The following TRPA1 variants were observed in gnomAD, a reference collection of about 807,000 sequenced individuals.
TRPA1 encodes the protein ankyrin-like with transmembrane domains 1.
TRPA1 carries 129 observed loss-of-function variants against 131.3 expected under a neutral mutation model. The ratio of observed to expected loss-of-function variants is 0.98; its 90% confidence interval spans 0.85 to 1.14. The LOEUF is 1.14. Ranked by LOEUF, TRPA1 falls within the 50% of genes most tolerant of loss-of-function variation. TRPA1 has a pLI of 0.00. For missense variants in TRPA1, 1,304 were observed against 1,354.2 expected, an observed-to-expected ratio of 0.96 and a Z score of 0.58; for synonymous variants, 441 against 451.7, an observed-to-expected ratio of 0.98 and a Z score of 0.30.
intron 18 of TRPA1, 119 bp from the exon 19 acceptor site, chr8:72,039,146 G>T: frequency 1.0e-6 from 1 of 980,894 alleles, no homozygotes; most frequent in South Asian, 1.4e-5. Context: ...ATTCACTGAA[G>T]CTTAAGATCA....
chr8:72,078,052 T>C (rs117478437), upstream of TRPA1, among the ~76,000 whole-genome samples: 3,676 of 151,836 alleles, frequency 0.024, 66 homozygotes, highest in Non-Finnish European at 0.037. Context: ...AATATAGTTA[T>C]ATGCACATAT....
chr8:72,070,854 TC>T (rs1210003411), intron 2 of TRPA1, among the ~76,000 whole-genome samples: 3 of 152,224 alleles, frequency 2.0e-5, no homozygotes, highest in East Asian at 1.9e-4. Flanking sequence ...GCTGGATATT[TC>T]CAACTGGATG....
chr8:72,025,844 T>C (rs1446957675), intron 25 of TRPA1, 116 bp downstream of exon 25: 2 of 863,574 alleles, frequency 2.3e-6, no homozygotes, highest in Non-Finnish European at 3.8e-6. Flanking sequence ...ACAACTCCTC[T>C]GCCCACAGGC....
chr8:72,066,685 C>T (rs1482935674), intron 3 of TRPA1, among the ~76,000 whole-genome samples: 14 of 151,574 alleles, frequency 9.2e-5, no homozygotes, highest in Admixed American at 7.9e-4. Context: ...TAGGCATCAT[C>T]GCATTCTGTT....
intron 8 of TRPA1, 60 bp from the exon 9 acceptor site, chr8:72,057,876 G>T: frequency 4.8e-6 from 6 of 1,253,012 alleles, no homozygotes; most frequent in Non-Finnish European, 7.0e-6. Context: ...ATAATATATT[G>T]TAATCTCTAA....
chr8:72,062,853 GT>G lies in TRPA1; in HGVS notation c.752del (p.Asp251AlafsTer4). On this transcript the variant is annotated frameshift_variant, in exon 6 of 27. Coordinates refer to ENST00000262209, the MANE Select transcript of TRPA1 (RefSeq NM_007332.3). LOFTEE classifies it high-confidence loss of function. ...TPLHLAVQNG[D>X]LEMIKMCLDN... is the part of the protein sequence containing the mutation. Reference sequence around the variant, plus strand: ...CCAGGCACATTTTGATCATTTCCAAGTCACCATTTTGCACAGCCAGGTGGAG... The same window carrying G: ...CCAGGCACATTTTGATCATTTCCAAGCACCATTTTGCACAGCCAGGTGGAG... 6.2e-7 allele frequency: 1 copy of G among 1,613,974 alleles called. No homozygotes were observed.
At chr8:72,025,250 GT>G (rs1352920559) in intron 25 of TRPA1, among the ~76,000 whole-genome samples, 1 of 152,000 alleles carries the variant, frequency 6.6e-6, no homozygotes, top group African/African-American at 2.4e-5. Flanking sequence ...CATAGGGGCG[GT>G]TTCCCCCATG....
Position 72,038,995 on chromosome 8 carries a change from TTCA to T in TRPA1, c.2162_2164del (p.Met721del). ...GAGACCAAGACAGTAAGATCCTAAA[TTCA>T]TCATATGAGCTCTAAATCCATAAGC... On this transcript the variant is annotated inframe_deletion, in exon 19 of 27. Transcript: ENST00000262209. 6.2e-7 allele frequency: 1 copy of T among 1,612,942 alleles called. No individual in the cohort carries two copies. Among genetic ancestry groups the T allele is most frequent in the Non-Finnish European group, 8.5e-7 (1 of 1,179,344 alleles).
At chr8:72,033,278 T>A (rs1397744790) in intron 23 of TRPA1, among the ~76,000 whole-genome samples, 1 of 152,230 alleles carries the variant, frequency 6.6e-6, no homozygotes, top group Non-Finnish European at 1.5e-5. Flanking sequence ...TATTTCTTCA[T>A]AGCATTTATC....
At chr8:72,061,822 A>ATTCT in intron 6 of TRPA1, 61 bp from the exon 7 acceptor site, 2 of 1,573,642 alleles carry the variant, frequency 1.3e-6, no homozygotes, top group Non-Finnish European at 1.7e-6. Context: ...TATAACTTAT[A>ATTCT]TTCAGCTGTG....
intron 23 of TRPA1, among the ~76,000 whole-genome samples, chr8:72,030,454 G>A (rs1166743512): frequency 1.3e-5 from 2 of 152,160 alleles, no homozygotes; most frequent in Admixed American, 1.3e-4. Context: ...AGTAGTAGCT[G>A]CAGAATACTT....
chr8:72,080,424 GATATTCTAATATTAAACCA>G (rs1806267369), upstream of TRPA1, among the ~76,000 whole-genome samples: 1 of 151,572 alleles, frequency 6.6e-6, no homozygotes, highest in Non-Finnish European at 1.5e-5. Context: ...TATATTAATA[GATATTCTAATATTAAACCA>G]ACCTTTTCAT....
intron 7 of TRPA1, among the ~76,000 whole-genome samples, chr8:72,061,385 T>G (rs1034303003): frequency 6.6e-6 from 1 of 152,216 alleles, no homozygotes; most frequent in Non-Finnish European, 1.5e-5. Flanking sequence ...CTACATCCAC[T>G]GGACTTGAAT....
At chr8:72,037,144 T>C (rs1585849328) in intron 20 of TRPA1, among the ~76,000 whole-genome samples, 1 of 152,178 alleles carries the variant, frequency 6.6e-6, no homozygotes, top group East Asian at 1.9e-4. Context: ...CTATCAGAAT[T>C]GTGACAAATT....
At chr8:72,046,425 G>A (rs1266388378) in intron 17 of TRPA1, 88 bp downstream of exon 17, 4 of 729,998 alleles carry the variant, frequency 5.5e-6, no homozygotes, top group Non-Finnish European at 6.7e-6. Context: ...CCTGCACAAT[G>A]TGCACATGTA....
intron 25 of TRPA1, among the ~76,000 whole-genome samples, chr8:72,025,239 T>C (rs1360116203): frequency 6.6e-6 from 1 of 152,040 alleles, no homozygotes; most frequent in Non-Finnish European, 1.5e-5. Context: ...GGTAATTGTA[T>C]CATAGGGGCG....
intron 10 of TRPA1, 25 bp from the exon 11 acceptor site, chr8:72,055,880 C>A (rs776771366): frequency 1.9e-6 from 3 of 1,608,930 alleles, no homozygotes; most frequent in Middle Eastern, 1.7e-4. Flanking sequence ...TAATATCATA[C>A]AAATAACTCT....
At chr8:72,057,851 A>C (rs1805711744) in intron 8 of TRPA1, 35 bp from the exon 9 acceptor site, 1 of 1,449,918 alleles carries the variant, frequency 6.9e-7, no homozygotes. Flanking sequence ...CAAAGAGCTT[A>C]GAAACAGATA....
intron 13 of TRPA1, 164 bp downstream of exon 13, chr8:72,053,589 C>T: frequency 3.0e-6 from 2 of 660,232 alleles, no homozygotes; most frequent in Non-Finnish European, 5.5e-6. Context: ...AATTCTGTTG[C>T]CTTTTGATTC....
Sources: allele counts gnomAD v4.1 joint callset (sites outside exome capture counted in the v4.1 genomes callset), GRCh38; gene constraint gnomAD v4.1.1; transcripts MANE v1.5; gene names NCBI Gene and HGNC (gene_info 2026-07-23, HGNC 2026-07-21).